The following EPHA3 variants were observed in gnomAD, a reference collection of about 807,000 sequenced individuals.
EPHA3 encodes ephrin type-A receptor 3.
EPHA3 carries 42 observed loss-of-function variants against 107.1 expected under a neutral mutation model. The observed-to-expected ratio is 0.39, with a 90% CI of 0.31 to 0.51. EPHA3 has a LOEUF of 0.51. EPHA3 is among the 20% of genes least tolerant of loss of function. The probability of loss-of-function intolerance (pLI) is 0.78; values close to 1 mark genes in which losing one functional copy is unlikely to be tolerated. For missense variants in EPHA3, 1,183 were observed against 1,211.2 expected, an observed-to-expected ratio of 0.98 and a Z score of 0.35; for synonymous variants, 461 against 424.8, an observed-to-expected ratio of 1.09 and a Z score of -1.05.
intron 5 of EPHA3, among the ~76,000 whole-genome samples, chr3:89,383,039 A>G (rs1708543030): frequency 6.6e-6 from 1 of 152,228 alleles, no homozygotes; most frequent in African/African-American, 2.4e-5. Flanking sequence ...TTCTTTTAAT[A>G]TTGAGTAAAA....
At chr3:89,260,836 A>G (rs1705395942) in intron 3 of EPHA3, among the ~76,000 whole-genome samples, 2 of 152,276 alleles carry the variant, frequency 1.3e-5, no homozygotes, top group South Asian at 4.1e-4. Context: ...TCCACACCAG[A>G]CTGATTCATG....
chr3:89,312,092 T>C (rs1706777523), intron 3 of EPHA3, among the ~76,000 whole-genome samples: 2 of 152,184 alleles, frequency 1.3e-5, no homozygotes, highest in South Asian at 4.1e-4. Flanking sequence ...ACCTCAGTTT[T>C]CTATGGTCAG....
At chr3:89,359,242 T>C (rs1253444744) in intron 5 of EPHA3, among the ~76,000 whole-genome samples, 1 of 151,016 alleles carries the variant, frequency 6.6e-6, no homozygotes, top group Non-Finnish European at 1.5e-5. Context: ...TGAAGATACC[T>C]GGCCAGAATT....
Position 89,478,391 on chromosome 3 carries a change from G to A in EPHA3, c.2847-1006G>A, listed in dbSNP as rs530197420. 8.5e-5 allele frequency among the ~76,000 whole-genome samples: 13 copies of A among 152,274 alleles called. No homozygotes were observed. In the East Asian group the frequency reaches 1.2e-3, roughly 14 times the overall value. ...CATAGTGTTGTGGGTTATAAATGAG[G>A]GCAGAGCTCAGGTGGGTGATTCTTT... On this transcript the variant is annotated intron_variant, in intron 16 of 16. Transcript: ENST00000336596.
chr3:89,124,483 C>G (rs1267705897), intron 1 of EPHA3, among the ~76,000 whole-genome samples: 1 of 151,912 alleles, frequency 6.6e-6, no homozygotes, highest in Non-Finnish European at 1.5e-5. Context: ...TATTTGGGTA[C>G]AAACAAAAGG....
chr3:89,192,981 A>G (rs1320396938), intron 2 of EPHA3, among the ~76,000 whole-genome samples: 1 of 152,098 alleles, frequency 6.6e-6, no homozygotes, highest in Admixed American at 6.6e-5. Context: ...ATTTTTACAC[A>G]CCTATTATTA....
At chr3:89,165,272 G>C (rs190473627) in intron 2 of EPHA3, among the ~76,000 whole-genome samples, 4 of 152,140 alleles carry the variant, frequency 2.6e-5, no homozygotes. Flanking sequence ...AATTGCCAAT[G>C]CTTAACTAAT....
At chr3:89,377,115 G>A (rs990903711) in intron 5 of EPHA3, among the ~76,000 whole-genome samples, 1 of 151,962 alleles carries the variant, frequency 6.6e-6, no homozygotes, top group East Asian at 1.9e-4. Flanking sequence ...CTTTCATTCT[G>A]CTTATGTAGA....
intron 2 of EPHA3, among the ~76,000 whole-genome samples, chr3:89,170,131 G>T (rs560852593): frequency 6.6e-6 from 1 of 151,964 alleles, no homozygotes; most frequent in South Asian, 2.1e-4. Context: ...GGCGCCTGTG[G>T]TCCCAGCTGC....
intron 3 of EPHA3, among the ~76,000 whole-genome samples, chr3:89,277,368 A>T (rs1705830856): frequency 6.6e-6 from 1 of 152,164 alleles, no homozygotes; most frequent in Non-Finnish European, 1.5e-5. Flanking sequence ...CTAACATTAA[A>T]ATGGATATTT....
At chr3:89,198,517 A>T (rs1184530490) in intron 2 of EPHA3, among the ~76,000 whole-genome samples, 1 of 152,180 alleles carries the variant, frequency 6.6e-6, no homozygotes, top group Non-Finnish European at 1.5e-5. Flanking sequence ...AAGATTAAAC[A>T]TGTTTCTATG....
At chr3:89,300,985 T>G (rs886884395) in intron 3 of EPHA3, among the ~76,000 whole-genome samples, 3 of 152,146 alleles carry the variant, frequency 2.0e-5, no homozygotes, top group Admixed American at 6.6e-5. Context: ...TCTTCAGCAC[T>G]TTTGTCTCCC....
intron 2 of EPHA3, among the ~76,000 whole-genome samples, chr3:89,186,388 A>G (rs551857912): frequency 9.2e-5 from 14 of 152,196 alleles, no homozygotes; most frequent in African/African-American, 3.1e-4. Context: ...AATATAAATA[A>G]GATAGTAAGT....
At chr3:89,221,238 T>C (rs1474986560) in intron 3 of EPHA3, among the ~76,000 whole-genome samples, 2 of 152,180 alleles carry the variant, frequency 1.3e-5, no homozygotes, top group African/African-American at 2.4e-5. Flanking sequence ...ATACTTTTCA[T>C]TGTGTCCTCT....
intron 2 of EPHA3, among the ~76,000 whole-genome samples, chr3:89,129,151 A>G (rs1359498817): frequency 1.3e-5 from 2 of 152,110 alleles, no homozygotes; most frequent in Non-Finnish European, 2.9e-5. Flanking sequence ...TTACCTCTTC[A>G]CATTTCCCAT....
At chr3:89,397,757 A>G (rs999494760) in intron 6 of EPHA3, among the ~76,000 whole-genome samples, 1 of 152,056 alleles carries the variant, frequency 6.6e-6, no homozygotes, top group Non-Finnish European at 1.5e-5. Flanking sequence ...CTAATTTTGT[A>G]TTTTTAGTAG....
intron 2 of EPHA3, among the ~76,000 whole-genome samples, chr3:89,181,904 AC>A (rs1054802437): frequency 6.6e-6 from 1 of 151,920 alleles, no homozygotes; most frequent in Admixed American, 6.6e-5. Context: ...AAATGCTAGT[AC>A]CTTTTTTAAG....
intron 3 of EPHA3, among the ~76,000 whole-genome samples, chr3:89,264,421 C>A (rs1001474485): frequency 3.9e-5 from 6 of 152,054 alleles, no homozygotes; most frequent in Non-Finnish European, 8.8e-5. Flanking sequence ...CCTGGTCAGC[C>A]CTGTCCTACG....
intron 3 of EPHA3, among the ~76,000 whole-genome samples, chr3:89,337,634 C>G (rs1437354158): frequency 6.6e-6 from 1 of 152,212 alleles, no homozygotes; most frequent in African/African-American, 2.4e-5. Flanking sequence ...GTTGCAATGT[C>G]TGTCCCTAAA....
Sources: gnomAD v4.1 joint callset for allele counts (sites outside exome capture counted in the v4.1 genomes callset) on GRCh38, gnomAD v4.1.1 for gene constraint, MANE v1.5 for transcripts, NCBI Gene and HGNC (gene_info 2026-07-23, HGNC 2026-07-21) for gene names.